CIROZ: variants seen among roughly 807,000 people sequenced by gnomAD.
CIROZ encodes ciliated left-right organizer protein containing ZP-N domains, also known as ciliated left-right organizer ZP-N domains-containing protein.
the CIROZ span, among the ~76,000 whole-genome samples, chr1:10,952,131 C>G: frequency 6.6e-6 from 1 of 152,096 alleles, no homozygotes; most frequent in Admixed American, 6.6e-5. Context: ...AGCCCCTGAT[C>G]TGAATGAATT....
At chr1:10,977,234 A>C in the CIROZ span, among the ~76,000 whole-genome samples, 1 of 152,076 alleles carries the variant, frequency 6.6e-6, no homozygotes, top group African/African-American at 2.4e-5. Context: ...CTATAATCCC[A>C]GCACTTTGGG....
chr1:10,951,970 G>A, the CIROZ span, among the ~76,000 whole-genome samples: 1 of 151,906 alleles, frequency 6.6e-6, no homozygotes, highest in African/African-American at 2.4e-5. Context: ...CAACACATTA[G>A]TCACATATTT....
the CIROZ span, among the ~76,000 whole-genome samples, chr1:10,951,754 A>G: frequency 3.5e-5 from 5 of 144,172 alleles, no homozygotes; most frequent in African/African-American, 1.3e-4. Flanking sequence ...AAATATATAT[A>G]TATATATATA....
At chr1:10,962,946 G>A in the CIROZ span, among the ~76,000 whole-genome samples, 9 of 151,378 alleles carry the variant, frequency 5.9e-5, no homozygotes, top group South Asian at 2.1e-4. Flanking sequence ...ACAGTGAGAC[G>A]CCGTCTCTAC....
chr1:10,970,344 C>T, the CIROZ span, among the ~76,000 whole-genome samples: 1 of 151,696 alleles, frequency 6.6e-6, no homozygotes, highest in Admixed American at 6.6e-5. Flanking sequence ...TTCCAGCCTG[C>T]AGGCTGGGCA....
the CIROZ span, chr1:10,949,432 T>C: frequency 1.4e-6 from 1 of 716,412 alleles, no homozygotes; most frequent in Non-Finnish European, 2.3e-6. Context: ...TGGGAGCTCT[T>C]GGGGGCCCAG....
the CIROZ span, chr1:10,954,117 G>C: frequency 6.2e-7 from 1 of 1,613,032 alleles, no homozygotes; most frequent in Non-Finnish European, 8.5e-7. Flanking sequence ...TTGTGTTCCC[G>C]GGGTTCCTCC....
chr1:10,965,596 A>C, the CIROZ span, among the ~76,000 whole-genome samples: 1 of 152,086 alleles, frequency 6.6e-6, no homozygotes, highest in Non-Finnish European at 1.5e-5. Flanking sequence ...GTAGTGGTGC[A>C]TGCCTGTAGT....
the CIROZ span, chr1:10,958,859 G>C: frequency 1.8e-6 from 2 of 1,128,332 alleles, no homozygotes; most frequent in Non-Finnish European, 1.3e-6. Context: ...GCAGGAGGCC[G>C]GTGAGAGAGC....
the CIROZ span, among the ~76,000 whole-genome samples, chr1:10,967,379 G>A: frequency 1.2e-3 from 180 of 152,086 alleles, no homozygotes; most frequent in African/African-American, 4.2e-3. Context: ...TCTTCTCCTA[G>A]ATATCCACAT....
the CIROZ span, among the ~76,000 whole-genome samples, chr1:10,962,171 C>T: frequency 6.6e-6 from 1 of 152,030 alleles, no homozygotes; most frequent in African/African-American, 2.4e-5. Context: ...CTTGACCGGG[C>T]GTGGTGGCTC....
At chr1:10,975,903 T>C in the CIROZ span, among the ~76,000 whole-genome samples, 1 of 151,944 alleles carries the variant, frequency 6.6e-6, no homozygotes. Context: ...GTTTTAATTA[T>C]TGAAACAAGC....
At chr1:10,951,745 A>AAAATAT in the CIROZ span, among the ~76,000 whole-genome samples, 59 of 119,176 alleles carry the variant, frequency 5.0e-4, no homozygotes, top group Middle Eastern at 4.2e-3. Context: ...AAAAAAAAAA[A>AAAATAT]ATATATATAT....
chr1:10,948,216 T>G, the CIROZ span: 2 of 1,613,902 alleles, frequency 1.2e-6, no homozygotes, highest in Non-Finnish European at 1.7e-6. Flanking sequence ...AAGGTCCATG[T>G]GCCCCCTGGC....
At chr1:10,957,621 A>T in the CIROZ span, 7 of 1,613,764 alleles carry the variant, frequency 4.3e-6, no homozygotes, top group African/African-American at 6.7e-5. Flanking sequence ...CTGACCTCCC[A>T]CCTCTGAAGA....
the CIROZ span, chr1:10,981,888 G>T: frequency 8.2e-7 from 1 of 1,223,794 alleles, no homozygotes; most frequent in Non-Finnish European, 1.1e-6. Flanking sequence ...TCACCCATTT[G>T]GCCCCCTTCC....
the CIROZ span, among the ~76,000 whole-genome samples, chr1:10,974,399 GC>G: frequency 6.6e-6 from 1 of 152,042 alleles, no homozygotes; most frequent in East Asian, 1.9e-4. This position sits in a 1 kb window ranked among gnomAD's most constrained non-coding sequence, Gnocchi z 4.4. Context: ...CGACCAGTGG[GC>G]AGAGAAAAGC....
At chr1:10,947,277 G>A in the CIROZ span, among the ~76,000 whole-genome samples, 1 of 152,190 alleles carries the variant, frequency 6.6e-6, no homozygotes. Context: ...TCCGACAGCA[G>A]ACCAAGCCCA....
At chr1:10,966,591 C>A in the CIROZ span, 1 of 1,243,730 alleles carries the variant, frequency 8.0e-7, no homozygotes. Context: ...CTGGAAGCTT[C>A]TTACCTGGAA....
Sources: gnomAD v4.1 joint callset for allele counts (sites outside exome capture counted in the v4.1 genomes callset) on GRCh38, gnomAD v4.1.1 for gene constraint, Gnocchi (gnomAD v3.1) non-coding constraint, MANE v1.5 for transcripts, NCBI Gene and HGNC (gene_info 2026-07-23, HGNC 2026-07-21) for gene names.